The following PCCA variants were observed in gnomAD, a reference collection of about 807,000 sequenced individuals.
The protein encoded by PCCA is propionyl-CoA carboxylase subunit alpha, also known as propionyl-CoA carboxylase alpha chain, mitochondrial.
PCCA carries 74 observed loss-of-function variants against 101.3 expected under a neutral mutation model. That is an observed-to-expected ratio of 0.73 (90% CI 0.61 to 0.89). The LOEUF (loss-of-function observed/expected upper bound fraction) is 0.89. PCCA is among the 40% of genes least tolerant of loss of function. The pLI, the probability that PCCA is intolerant of heterozygous loss-of-function variation, is 0.00. For synonymous variants in PCCA, 294 were observed against 313.6 expected, an observed-to-expected ratio of 0.94 and a Z score of 0.66; for missense variants, 891 against 907.0, an observed-to-expected ratio of 0.98 and a Z score of 0.23.
Position 100,141,692 on chromosome 13 carries a change from C to T in PCCA, c.301-13287C>T, listed in dbSNP as rs1449985048. ...CCTCCCAAAGTGCTAAGTTTACAGG[C>T]GTGAACCACCACACCCAGCCTTTAT... On this transcript the variant is annotated intron_variant, in intron 4 of 23. Transcript: ENST00000376285. 2.0e-5 allele frequency among the ~76,000 whole-genome samples: 3 copies of T among 152,156 alleles called. No homozygotes were observed. In the South Asian group the frequency reaches 6.2e-4, roughly 32 times the overall value.
chr13:100,501,036 G>A (rs1210422484), intron 21 of PCCA, among the ~76,000 whole-genome samples: 1 of 152,108 alleles, frequency 6.6e-6, no homozygotes, highest in Non-Finnish European at 1.5e-5. Context: ...CAGCTACTCG[G>A]GAGGCTGAGG....
At chr13:100,134,164 C>G (rs1010043476) in intron 4 of PCCA, among the ~76,000 whole-genome samples, 13 of 152,122 alleles carry the variant, frequency 8.5e-5, no homozygotes, top group African/African-American at 3.1e-4. Context: ...AGTTCTGTCC[C>G]TTTAGAGAAC....
chr13:100,264,220 TATATATGTGATATCTGTATATC>T (rs1271521040), intron 10 of PCCA, among the ~76,000 whole-genome samples: 1 of 115,690 alleles, frequency 8.6e-6, no homozygotes, highest in Non-Finnish European at 2.1e-5. Flanking sequence ...CTGTATCTCA[TATATATGTGATATCTGTATATC>T]ATATATATGT....
chr13:100,445,931 A>G (rs2080794180), intron 20 of PCCA, among the ~76,000 whole-genome samples: 1 of 152,214 alleles, frequency 6.6e-6, no homozygotes, highest in South Asian at 2.1e-4. Flanking sequence ...ATATATATGC[A>G]GTAGTGGGAT....
At chr13:100,107,315 T>C (rs997815579) in intron 2 of PCCA, among the ~76,000 whole-genome samples, 2 of 152,204 alleles carry the variant, frequency 1.3e-5, no homozygotes, top group Non-Finnish European at 2.9e-5. Flanking sequence ...TTATGGTAGC[T>C]TGCTTGGATC....
chr13:100,236,206 T>A (rs1257856120), intron 8 of PCCA, among the ~76,000 whole-genome samples: 1 of 152,206 alleles, frequency 6.6e-6, no homozygotes, highest in Non-Finnish European at 1.5e-5. Context: ...TGTGGTTTGT[T>A]AAAATTAAGA....
intron 22 of PCCA, chr13:100,527,456 A>ATT (rs542039609): frequency 1.2e-4 from 56 of 473,608 alleles, no homozygotes; most frequent in East Asian, 4.0e-4. Context: ...AGGGTCAGGG[A>ATT]TTTTTTTTTT....
intron 12 of PCCA, 102 bp downstream of exon 12, chr13:100,273,448 G>T: frequency 1.1e-6 from 1 of 917,730 alleles, no homozygotes; most frequent in Non-Finnish European, 1.7e-6. Context: ...ACTCCATAAA[G>T]TGTTAAATAA....
chr13:100,263,241 C>T (rs535753590), intron 10 of PCCA, among the ~76,000 whole-genome samples: 28 of 152,084 alleles, frequency 1.8e-4, no homozygotes, highest in African/African-American at 5.6e-4. Context: ...AAAGTGGTTA[C>T]GTAGGGGCAT....
chr13:100,137,664 T>G (rs1372311318), intron 4 of PCCA, among the ~76,000 whole-genome samples: 1 of 152,216 alleles, frequency 6.6e-6, no homozygotes, highest in African/African-American at 2.4e-5. Context: ...CAGCCTTTAT[T>G]TGCTTGATGT....
At chr13:100,396,194 G>C (rs1454250467) in intron 19 of PCCA, among the ~76,000 whole-genome samples, 1 of 152,156 alleles carries the variant, frequency 6.6e-6, no homozygotes, top group Non-Finnish European at 1.5e-5. Flanking sequence ...TTACCTGAAT[G>C]TTGGCATAGA....
intron 21 of PCCA, among the ~76,000 whole-genome samples, chr13:100,457,857 G>GC (rs996896063): frequency 1.3e-5 from 2 of 152,122 alleles, no homozygotes; most frequent in Non-Finnish European, 2.9e-5. Context: ...TCCCTGCCAT[G>GC]CCCCCCTTGG....
chr13:100,205,078 G>A (rs1265783668), intron 6 of PCCA, among the ~76,000 whole-genome samples: 1 of 152,038 alleles, frequency 6.6e-6, no homozygotes, highest in East Asian at 1.9e-4. Flanking sequence ...ACCTTAAAAA[G>A]CATATTTTTG....
intron 20 of PCCA, among the ~76,000 whole-genome samples, chr13:100,441,241 G>T (rs1266897859): frequency 1.3e-5 from 2 of 152,162 alleles, no homozygotes; most frequent in African/African-American, 2.4e-5. Context: ...AACACTGATT[G>T]TAGTAAATGT....
In PCCA at chr13:100,181,874, C is replaced by T. The variant is rs182069742; in HGVS notation, c.468+24534C>T. Among the ~76,000 whole-genome samples, 383 of 148,380 alleles carry T rather than the reference C, an allele frequency of 2.6e-3. 2 individuals carry two copies. The highest frequency in any genetic ancestry group is 9.0e-3 in the African/African-American group (364 of 40,362). On this transcript the variant is annotated intron_variant, in intron 6 of 23. Transcript: ENST00000376285. ...TCTGCCTCTGTGTTCAAGCGATTCT[C>T]CTGCCTCAGCCTCCTGAGTAGCTGG...
intron 21 of PCCA, among the ~76,000 whole-genome samples, chr13:100,512,872 CCCACGGTCCAGGTAGGGGCACA>C (rs1431779838): frequency 6.6e-6 from 1 of 152,198 alleles, no homozygotes; most frequent in Non-Finnish European, 1.5e-5. Flanking sequence ...GAGCTTGTAC[CCCACGGTCCAGGTAGGGGCACA>C]TTCCTGAAGT....
Position 100,155,022 on chromosome 13 carries a change from C to T in PCCA, c.344C>T (p.Ala115Val). ...GATGAGGCTGTCTGTGTTGGCCCAG[C>T]TCCCACCAGTAAAAGCTACCTCAAC... Reference protein sequence around the residue: ...MADEAVCVGPAPTSKSYLNMD... With the variant: ...MADEAVCVGPVPTSKSYLNMD... The change falls in exon 5 of 24, where the codon GCT (alanine) becomes GTT (valine). Residue 115 changes from alanine to valine, a missense_variant. Ala to Val is a moderately conservative substitution (Grantham distance 64). Transcript: ENST00000376285. The T allele has an allele frequency of 6.2e-7, 1 of 1,614,074 alleles. No homozygotes were observed. The highest frequency in any genetic ancestry group is 8.5e-7 in the Non-Finnish European group (1 of 1,179,976).
chr13:100,488,448 A>G (rs899070207), intron 21 of PCCA, among the ~76,000 whole-genome samples: 11 of 152,092 alleles, frequency 7.2e-5, no homozygotes, highest in African/African-American at 2.7e-4. Context: ...GATTTTGAAA[A>G]AAATTGCAAA....
At chr13:100,346,288 A>T (rs931622050) in intron 18 of PCCA, among the ~76,000 whole-genome samples, 1 of 152,230 alleles carries the variant, frequency 6.6e-6, no homozygotes. Flanking sequence ...TTGTGCTTCA[A>T]TGGGCAAAAT....
Sources: gnomAD v4.1 joint callset for allele counts (sites outside exome capture counted in the v4.1 genomes callset) on GRCh38, gnomAD v4.1.1 for gene constraint, MANE v1.5 for transcripts, NCBI Gene and HGNC (gene_info 2026-07-23, HGNC 2026-07-21) for gene names.